ADGRL4: variants seen among roughly 807,000 people sequenced by gnomAD.
The protein encoded by ADGRL4 is adhesion G protein-coupled receptor L4.
ADGRL4 carries 90 observed loss-of-function variants against 74.8 expected under a neutral mutation model. That is an observed-to-expected ratio of 1.20 (90% CI 1.02 to 1.43). ADGRL4 has a LOEUF of 1.43. ADGRL4 is among the 40% of genes most tolerant of loss of function. The pLI, the probability that ADGRL4 is intolerant of heterozygous loss-of-function variation, is 0.00. For missense variants in ADGRL4, 881 were observed against 814.3 expected (o/e 1.08, Z -1.00); for synonymous variants, 311 against 279.2 (o/e 1.11, Z -1.14).
intron 2 of ADGRL4, among the ~76,000 whole-genome samples, chr1:78,997,112 T>C (rs1650733099): frequency 1.3e-5 from 2 of 152,126 alleles, no homozygotes; most frequent in Non-Finnish European, 2.9e-5. Context: ...GATCACCTTG[T>C]TTAACCTTTG....
chr1:78,920,186 A>T lies in ADGRL4; in HGVS notation c.1458T>A (p.Asn486Lys), dbSNP rs1274112664. The T allele has an allele frequency of 3.7e-6, 6 of 1,608,734 alleles. No individual in the cohort carries two copies. In the African/African-American group the frequency reaches 4.0e-5, roughly 11 times the overall value. Residue 486 changes from asparagine to lysine, a missense_variant, in exon 10 of 15, where the codon AAT becomes AAA. By Grantham distance (94) the Asn-to-Lys change is moderately conservative (BLOSUM62 0). Coordinates refer to ENST00000370742, the MANE Select transcript of ADGRL4 (RefSeq NM_022159.4). ...VFLVGINTNT[N>K]KLFCSIIAGL... ...AGAGATTAGGATGCCTACATACCTT[A>T]TTAGTATTTGTATTGATCCCAACAA...
At chr1:78,983,830 G>A (rs1570271294) in intron 2 of ADGRL4, among the ~76,000 whole-genome samples, 1 of 151,734 alleles carries the variant, frequency 6.6e-6, no homozygotes, top group South Asian at 2.1e-4. Flanking sequence ...GATTGCCTAC[G>A]AAGAAAAAGA....
At chr1:78,893,506 C>A (rs897920492) in intron 12 of ADGRL4, among the ~76,000 whole-genome samples, 1 of 151,768 alleles carries the variant, frequency 6.6e-6, no homozygotes, top group African/African-American at 2.4e-5. Flanking sequence ...AATTTTTGTT[C>A]AGTAATTTCT....
intron 12 of ADGRL4, among the ~76,000 whole-genome samples, chr1:78,896,569 T>C (rs902313371): frequency 1.3e-5 from 2 of 152,120 alleles, no homozygotes; most frequent in African/African-American, 4.8e-5. Context: ...ATATGACCAC[T>C]AACTACTTAC....
chr1:78,968,590 A>G (rs1163112478), intron 2 of ADGRL4, among the ~76,000 whole-genome samples: 3 of 151,966 alleles, frequency 2.0e-5, no homozygotes, highest in Admixed American at 6.6e-5. Context: ...TTTAATCTAT[A>G]CTGAATAAAT....
chr1:78,998,873 A>G (rs1163271986), intron 2 of ADGRL4, among the ~76,000 whole-genome samples: 3 of 152,158 alleles, frequency 2.0e-5, no homozygotes, highest in Non-Finnish European at 4.4e-5. Context: ...TACTTAATCT[A>G]TAAATTGGGG....
chr1:78,958,729 T>C (rs1649883291), intron 2 of ADGRL4, among the ~76,000 whole-genome samples: 2 of 152,350 alleles, frequency 1.3e-5, no homozygotes, highest in African/African-American at 4.8e-5. Flanking sequence ...TTTCATAAAC[T>C]TAGTTGATAA....
intron 2 of ADGRL4, among the ~76,000 whole-genome samples, chr1:78,967,104 GGTGTGGTACCTTTCA>G (rs1279778895): frequency 3.3e-5 from 5 of 152,014 alleles, no homozygotes; most frequent in Non-Finnish European, 2.9e-5. Context: ...AAAGTTAAAA[GGTGTGGTACCTTTCA>G]GTTCACATGA....
At chr1:78,966,478 T>C (rs554554679) in intron 2 of ADGRL4, among the ~76,000 whole-genome samples, 42 of 152,222 alleles carry the variant, frequency 2.8e-4, no homozygotes, top group African/African-American at 9.9e-4. Flanking sequence ...GTGAGTAAAA[T>C]GGGGACTCAA....
chr1:78,893,294 C>G, intron 12 of ADGRL4, 105 bp from the exon 13 acceptor site: 1 of 757,734 alleles, frequency 1.3e-6, no homozygotes, highest in East Asian at 2.8e-5. Flanking sequence ...AACTAAAAAT[C>G]ATGGCATTTA....
chr1:78,933,212 A>T (rs1649281986), intron 7 of ADGRL4, among the ~76,000 whole-genome samples: 1 of 151,444 alleles, frequency 6.6e-6, no homozygotes, highest in African/African-American at 2.5e-5. Context: ...CCAGCAGCAC[A>T]TCAAAAAACA....
At chr1:78,928,224 A>G (rs1273008724) in intron 7 of ADGRL4, among the ~76,000 whole-genome samples, 1 of 151,570 alleles carries the variant, frequency 6.6e-6, no homozygotes, top group African/African-American at 2.4e-5. Context: ...CTTTGTGAAG[A>G]AAAATATTTA....
chr1:78,973,293 A>C (rs999430657), intron 2 of ADGRL4, among the ~76,000 whole-genome samples: 2 of 152,086 alleles, frequency 1.3e-5, no homozygotes, highest in African/African-American at 4.8e-5. Flanking sequence ...TAAGCATTAT[A>C]TATAAGCTAT....
At chr1:78,891,966 C>T (rs185353320) in intron 13 of ADGRL4, among the ~76,000 whole-genome samples, 3 of 152,222 alleles carry the variant, frequency 2.0e-5, no homozygotes, top group Admixed American at 2.0e-4. Context: ...TAAGTAATTT[C>T]CTTCACCTTA....
At chr1:78,914,668 A>T (rs1357153463) in intron 12 of ADGRL4, among the ~76,000 whole-genome samples, 1 of 151,770 alleles carries the variant, frequency 6.6e-6, no homozygotes, top group Non-Finnish European at 1.5e-5. Flanking sequence ...GGACTGCCAT[A>T]AATTTACATG....
intron 12 of ADGRL4, among the ~76,000 whole-genome samples, chr1:78,898,310 A>G (rs1410726085): frequency 2.6e-5 from 4 of 152,094 alleles, no homozygotes; most frequent in Non-Finnish European, 5.9e-5. Context: ...TTAAAATGTA[A>G]GAAAAATCAT....
At chr1:78,982,670 T>C (rs1174092660) in intron 2 of ADGRL4, among the ~76,000 whole-genome samples, 1 of 151,772 alleles carries the variant, frequency 6.6e-6, no homozygotes, top group Non-Finnish European at 1.5e-5. Context: ...AAATGCTAGA[T>C]AAAATATGAC....
intron 2 of ADGRL4, among the ~76,000 whole-genome samples, chr1:79,004,392 G>C (rs950379854): frequency 2.0e-5 from 3 of 152,014 alleles, no homozygotes; most frequent in Non-Finnish European, 4.4e-5. Context: ...GGGTAGAGGT[G>C]ACAACTACAG....
chr1:78,938,757 T>A (rs973315), intron 4 of ADGRL4, among the ~76,000 whole-genome samples: 11,149 of 152,096 alleles, frequency 0.073, 469 homozygotes, highest in African/African-American at 0.11. Context: ...ATGTTGAGAT[T>A]CACATTTTCA....
Sources: allele counts gnomAD v4.1 joint callset (sites outside exome capture counted in the v4.1 genomes callset), GRCh38; gene constraint gnomAD v4.1.1; transcripts MANE v1.5; gene names NCBI Gene and HGNC (gene_info 2026-07-23, HGNC 2026-07-21).